Variants in CLSTN2 observed in about 807,000 individuals in gnomAD.
CLSTN2 encodes the protein calsyntenin-2.
In CLSTN2, 48 loss-of-function variants were observed where a neutral mutation model predicts 101.2. That is an observed-to-expected ratio of 0.47 (90% CI 0.38 to 0.60). The LOEUF (loss-of-function observed/expected upper bound fraction) is 0.60, where lower values mean the gene tolerates loss of function less well. CLSTN2 is among the 20% of genes least tolerant of loss of function. The pLI, the probability that CLSTN2 is intolerant of heterozygous loss-of-function variation, is 0.00. For missense variants in CLSTN2, 1,160 were observed against 1,238.2 expected (o/e 0.94, Z 0.95); for synonymous variants, 481 against 463.6 (o/e 1.04, Z -0.48).
intron 1 of CLSTN2, among the ~76,000 whole-genome samples, chr3:139,941,909 A>G (rs915860980): frequency 2.6e-5 from 4 of 152,240 alleles, no homozygotes; most frequent in African/African-American, 9.6e-5. Context: ...TCCTCGTACC[A>G]ACCCTATGAA....
intron 8 of CLSTN2, among the ~76,000 whole-genome samples, chr3:140,493,200 C>T (rs1934386774): frequency 6.6e-6 from 1 of 152,308 alleles, no homozygotes; most frequent in South Asian, 2.1e-4. Flanking sequence ...ATTCCATTCT[C>T]TCACATGGCT....
Position 140,565,980 on chromosome 3 carries a change from G to A in CLSTN2, c.2668-73G>A, listed in dbSNP as rs1936017747. On this transcript the variant is annotated intron_variant, in intron 16 of 16. Coordinates refer to ENST00000458420, the MANE Select transcript of CLSTN2 (RefSeq NM_022131.3). ...GGCCGTAAATGTTTCCTTAATGGAT[G>A]GAGAGACATAAGCTCCAAAATGGCC... 50 of 1,586,542 alleles carry A rather than the reference G, an allele frequency of 3.2e-5. No individual in the cohort carries two copies. The South Asian group carries it at 5.4e-4, about 17-fold the overall frequency.
intron 1 of CLSTN2, among the ~76,000 whole-genome samples, chr3:139,957,554 A>G (rs531067048): frequency 6.6e-6 from 1 of 151,918 alleles, no homozygotes; most frequent in Admixed American, 6.6e-5. Context: ...GTGAAGGTGC[A>G]GGGCTCATGT....
intron 9 of CLSTN2, among the ~76,000 whole-genome samples, chr3:140,539,558 G>A (rs1935427398): frequency 6.6e-6 from 1 of 152,182 alleles, no homozygotes; most frequent in African/African-American, 2.4e-5. Context: ...ATACTCAGTG[G>A]GAGAGGGGAA....
chr3:140,113,728 A>G (rs1206999825), intron 1 of CLSTN2, among the ~76,000 whole-genome samples: 1 of 152,210 alleles, frequency 6.6e-6, no homozygotes, highest in Admixed American at 6.6e-5. Flanking sequence ...CAGACAAGAA[A>G]ACTGAGGCAG....
At chr3:139,978,834 GAA>G in intron 1 of CLSTN2, among the ~76,000 whole-genome samples, 1 of 152,198 alleles carries the variant, frequency 6.6e-6, no homozygotes, top group South Asian at 2.1e-4. Flanking sequence ...GGCAAATAAT[GAA>G]AGAGTTGGCT....
intron 1 of CLSTN2, among the ~76,000 whole-genome samples, chr3:140,075,559 G>A (rs558930686): frequency 6.6e-6 from 1 of 152,050 alleles, no homozygotes; most frequent in African/African-American, 2.4e-5. Context: ...TCCTAACCTT[G>A]TGGCAGGAAT....
intron 1 of CLSTN2, among the ~76,000 whole-genome samples, chr3:139,982,988 G>GTA (rs5852962): frequency 0.28 from 42,452 of 149,076 alleles, 6,234 homozygotes; most frequent in East Asian, 0.41. Flanking sequence ...TATATATAGT[G>GTA]TATATATATA....
intron 1 of CLSTN2, among the ~76,000 whole-genome samples, chr3:140,062,482 A>G (rs1274068976): frequency 1.3e-5 from 2 of 152,170 alleles, no homozygotes; most frequent in Non-Finnish European, 1.5e-5. Flanking sequence ...TGTGGCTACT[A>G]AAGAATCATT....
intron 2 of CLSTN2, among the ~76,000 whole-genome samples, chr3:140,248,318 G>T (rs2086533917): frequency 6.6e-6 from 1 of 152,224 alleles, no homozygotes; most frequent in African/African-American, 2.4e-5. Context: ...CAGGAACAAG[G>T]AGCTTTCTCC....
chr3:140,211,384 A>T (rs972582039), intron 2 of CLSTN2, among the ~76,000 whole-genome samples: 3 of 133,582 alleles, frequency 2.2e-5, no homozygotes, highest in Non-Finnish European at 4.7e-5. Flanking sequence ...ACCACCTGAT[A>T]TATGCTTGGT....
At chr3:140,307,377 G>T (rs1167599772) in intron 2 of CLSTN2, among the ~76,000 whole-genome samples, 1 of 152,068 alleles carries the variant, frequency 6.6e-6, no homozygotes, top group Non-Finnish European at 1.5e-5. Flanking sequence ...GGGCACTCCT[G>T]CCCCTGTGCT....
At chr3:140,357,845 C>A (rs1039280123) in intron 2 of CLSTN2, among the ~76,000 whole-genome samples, 2 of 152,142 alleles carry the variant, frequency 1.3e-5, no homozygotes, top group African/African-American at 4.8e-5. Context: ...CTGAGCTGAC[C>A]AACCTCAATG....
chr3:140,490,765 G>T (rs1345758001), intron 8 of CLSTN2, among the ~76,000 whole-genome samples: 1 of 152,056 alleles, frequency 6.6e-6, no homozygotes, highest in African/African-American at 2.4e-5. Context: ...CAGTAACGAG[G>T]AGCAGACCCC....
chr3:140,433,217 G>A (rs1348475404), intron 5 of CLSTN2, among the ~76,000 whole-genome samples: 1 of 152,214 alleles, frequency 6.6e-6, no homozygotes, highest in African/African-American at 2.4e-5. Flanking sequence ...ACTTGAGAGA[G>A]GACCATGGCT....
At chr3:140,003,157 A>G (rs1039187890) in intron 1 of CLSTN2, among the ~76,000 whole-genome samples, 1 of 152,188 alleles carries the variant, frequency 6.6e-6, no homozygotes, top group African/African-American at 2.4e-5. Context: ...TTTGGGTAGT[A>G]TAGCCATTTT....
intron 1 of CLSTN2, among the ~76,000 whole-genome samples, chr3:140,129,440 TAATC>T (rs939024890): frequency 6.6e-6 from 1 of 152,204 alleles, no homozygotes; most frequent in African/African-American, 2.4e-5. Context: ...TGGGAATGGT[TAATC>T]AATCCTTCTT....
intron 5 of CLSTN2, among the ~76,000 whole-genome samples, chr3:140,439,703 G>A (rs543873178): frequency 5.7e-4 from 87 of 152,154 alleles, no homozygotes; most frequent in African/African-American, 2.1e-3. Context: ...CACATACACA[G>A]CACACACATG....
rs374379864 is a variant in CLSTN2 at position 140,556,553 on chromosome 3, G to A, written c.1715G>A (p.Gly572Asp). Residue 572 changes from glycine (G) to aspartate (D), a missense_variant, in exon 11 of 17, where the codon GGT becomes GAT. By Grantham distance (94) the Gly-to-Asp change is moderately conservative. Transcript: ENST00000458420. ...TCGCAGTCCATCCTGGTGATGGAAG[G>A]TGACGACATTGGGAACATTAACCGT... ...NPSQSILVME[G>D]DDIGNINRAL... 21 of 1,613,984 alleles carry A rather than the reference G, an allele frequency of 1.3e-5. No individual in the cohort carries two copies. The highest frequency in any genetic ancestry group is 1.8e-5 in the Non-Finnish European group (21 of 1,179,996).
Sources: allele counts gnomAD v4.1 joint callset (sites outside exome capture counted in the v4.1 genomes callset), GRCh38; gene constraint gnomAD v4.1.1; transcripts MANE v1.5; gene names NCBI Gene and HGNC (gene_info 2026-07-23, HGNC 2026-07-21).